Variants in SLC2A7 observed in about 807,000 individuals in gnomAD.
SLC2A7 encodes the protein solute carrier family 2, facilitated glucose transporter member 7.
Under a neutral mutation model 50.5 loss-of-function variants are expected in SLC2A7, and 50 were observed. The observed-to-expected ratio is 0.99, with a 90% CI of 0.79 to 1.25. The LOEUF (loss-of-function observed/expected upper bound fraction) is 1.25, where lower values mean the gene tolerates loss of function less well. Ranked by LOEUF, SLC2A7 falls within the 50% of genes most tolerant of loss-of-function variation. The probability of loss-of-function intolerance (pLI) is 0.00; values close to 1 mark genes in which losing one functional copy is unlikely to be tolerated. For missense variants in SLC2A7, 683 were observed against 679.1 expected, an observed-to-expected ratio of 1.01 and a Z score of -0.06; for synonymous variants, 308 against 300.4, an observed-to-expected ratio of 1.03 and a Z score of -0.26.
At chr1:8,993,541 T>G in the SLC2A7 span, among the ~76,000 whole-genome samples, 1 of 152,248 alleles carries the variant, frequency 6.6e-6, no homozygotes, top group African/African-American at 2.4e-5. Context: ...CCACTGTAGA[T>G]ATTTGAATAT....
chr1:9,004,471 C>T (rs1172811366), intron 11 of SLC2A7, among the ~76,000 whole-genome samples: 2 of 152,182 alleles, frequency 1.3e-5, no homozygotes, highest in African/African-American at 4.8e-5. Context: ...GATCTGCACC[C>T]TGGCTCTGGC....
the SLC2A7 span, among the ~76,000 whole-genome samples, chr1:8,995,722 G>A: frequency 6.6e-6 from 1 of 152,114 alleles, no homozygotes; most frequent in African/African-American, 2.4e-5. Flanking sequence ...TCCAGCATGG[G>A]CAAAAAGAGT....
chr1:9,022,523 G>C (rs1640925795), intron 3 of SLC2A7, among the ~76,000 whole-genome samples: 3 of 152,108 alleles, frequency 2.0e-5, no homozygotes, highest in Admixed American at 1.3e-4. Context: ...CTCTGGCAAA[G>C]ACACGCGGGG....
At chr1:9,006,906 A>C (rs1157661114) in intron 10 of SLC2A7, among the ~76,000 whole-genome samples, 1 of 152,226 alleles carries the variant, frequency 6.6e-6, no homozygotes, top group African/African-American at 2.4e-5. Context: ...GCTGGCAGTC[A>C]GCGGGGATAG....
At chr1:9,001,419 A>ATTT (rs767748961), downstream of SLC2A7, among the ~76,000 whole-genome samples, 4 of 124,300 alleles carry the variant, frequency 3.2e-5, no homozygotes, top group Admixed American at 8.5e-5. Context: ...TGCAGGTGCT[A>ATTT]TTTTTTTTTT....
At position 9,008,409 on chromosome 1, in the gene SLC2A7, C is replaced by T. The variant is rs1007529394; in HGVS notation, c.1117-1024G>A. Among the ~76,000 whole-genome samples the T allele has an allele frequency of 4.6e-5, 7 of 152,112 alleles. No individual in the cohort carries two copies. The highest frequency in any genetic ancestry group is 5.9e-5 in the Non-Finnish European group (4 of 68,008). On this transcript the variant is annotated intron_variant, in intron 9 of 11. Transcript: ENST00000400906. The surrounding 1 kb of genome is among the most constrained non-coding windows in gnomAD (Gnocchi z 5.9). ...TGGGTTGGTGGGGCCGCCCTGGACC[C>T]GGTGTGAAGCGAGCAGCTGCTGCTG...
In SLC2A7 at chr1:9,003,254, T is replaced by C. The variant is rs1640601018; in HGVS notation, c.*46A>G. 6.3e-7 allele frequency: 1 copy of C among 1,592,728 alleles called. No individual in the cohort carries two copies. Among genetic ancestry groups the C allele is most frequent in the Non-Finnish European group, 8.6e-7 (1 of 1,164,256 alleles). ...CCTGGGGCCGGGAGGCCCATTGTCA[T>C]AGAAGGAAGCCTTGAATATGGGCTC... On this transcript the variant is annotated 3_prime_UTR_variant, in exon 12 of 12. Transcript: ENST00000400906.
At chr1:9,025,328 G>A (rs1640980871) in intron 1 of SLC2A7, among the ~76,000 whole-genome samples, 1 of 152,224 alleles carries the variant, frequency 6.6e-6, no homozygotes, top group Admixed American at 6.5e-5. Context: ...GGCCCTGGAG[G>A]CCAAGTGTGA....
chr1:9,025,839 G>A (rs937189364), intron 1 of SLC2A7, among the ~76,000 whole-genome samples: 7 of 152,154 alleles, frequency 4.6e-5, no homozygotes, highest in Non-Finnish European at 2.9e-5. Flanking sequence ...CCTGGTGCAT[G>A]CCCCCTCCCC....
rs1315497623 is a variant in SLC2A7, at chr1:9,008,807, G to A, written c.1116+1336C>T. On this transcript the variant is annotated intron_variant, in intron 9 of 11. Coordinates refer to ENST00000400906, the MANE Select transcript of SLC2A7 (RefSeq NM_207420.3). This position sits in a 1 kb window ranked among gnomAD's most constrained non-coding sequence, Gnocchi z 5.9. The stretch of plus-strand genomic sequence containing the variant: ...AGACGGGGTTTCACCACGTGGTCAG[G>A]CTGCTCTAGAACTCCTGACCTCAGG... 2.0e-5 allele frequency among the ~76,000 whole-genome samples: 3 copies of A among 152,146 alleles called. No homozygotes were observed. Among genetic ancestry groups the A allele is most frequent in the Non-Finnish European group, 4.4e-5 (3 of 68,034 alleles).
Position 9,014,677 on chromosome 1 carries a change from A to G in SLC2A7, c.903+4T>C, listed in dbSNP as rs1215443619. 1 of 1,553,932 alleles carries G rather than the reference A, an allele frequency of 6.4e-7. No homozygotes were observed. The highest frequency in any genetic ancestry group is 2.0e-5 in the Admixed American group (1 of 51,160). ...TCTCCCTGCCTGGCCACCGTCCCAC[A>G]TACCGCATTGATGCCCGACAGCTGC... On this transcript the variant is annotated splice_donor_region_variant and intron_variant, in intron 7 of 11. Coordinates refer to ENST00000400906, the MANE Select transcript of SLC2A7 (RefSeq NM_207420.3).
intron 5 of SLC2A7, among the ~76,000 whole-genome samples, chr1:9,017,495 C>T (rs967586397): frequency 5.9e-5 from 9 of 152,198 alleles, no homozygotes; most frequent in South Asian, 2.1e-4. Context: ...ACAGGCCTCG[C>T]GGGGTCTCCC....
chr1:9,007,142 T>C (rs966599537), intron 10 of SLC2A7, among the ~76,000 whole-genome samples, 168 bp downstream of exon 10: 2 of 152,184 alleles, frequency 1.3e-5, no homozygotes, highest in Non-Finnish European at 2.9e-5. Context: ...TGAATGCACA[T>C]GGCCTGGAGT....
Position 9,023,059 on chromosome 1 carries a change from T to C in SLC2A7, c.170A>G (p.Asn57Ser), listed in dbSNP as rs1640938174. 3 of 1,613,862 alleles carry C rather than the reference T, an allele frequency of 1.9e-6. No individual in the cohort carries two copies. The highest frequency in any genetic ancestry group is 2.5e-6 in the Non-Finnish European group (3 of 1,179,788). Residue 57 changes from asparagine to serine, a missense_variant, in exon 3 of 12, where the codon AAC becomes AGC. By Grantham distance (46) the Asn-to-Ser change is conservative. Transcript: ENST00000400906. ...TGCGTGTCGCTCAAAGTAGGTTTCGTTGTAAAATGACTTGAAGACCTGGAA... is the reference window on the plus strand; with the variant it reads ...TGCGTGTCGCTCAAAGTAGGTTTCGCTGTAAAATGACTTGAAGACCTGGAA... ...TPHKVFKSFY[N>S]ETYFERHATF...
At chr1:9,002,789 C>T (rs1640594010), downstream of SLC2A7, among the ~76,000 whole-genome samples, 2 of 152,212 alleles carry the variant, frequency 1.3e-5, no homozygotes, top group African/African-American at 4.8e-5. Context: ...CCACAGGTGT[C>T]GAGGGGCTGG....
In SLC2A7 at chr1:9,008,823, T is replaced by C. The variant is rs1283193911; in HGVS notation, c.1116+1320A>G. ...CGTGGTCAGGCTGCTCTAGAACTCC[T>C]GACCTCAGGTGATCCACCCGCTTTG... On this transcript the variant is annotated intron_variant, in intron 9 of 11. Transcript: ENST00000400906. This position sits in a 1 kb window ranked among gnomAD's most constrained non-coding sequence, Gnocchi z 5.9. Among the ~76,000 whole-genome samples, 1 of 152,214 alleles carries C rather than the reference T, an allele frequency of 6.6e-6. No homozygotes were observed. The highest frequency in any genetic ancestry group is 1.5e-5 in the Non-Finnish European group (1 of 68,038).
chr1:8,994,749 G>C, the SLC2A7 span, among the ~76,000 whole-genome samples: 1 of 151,998 alleles, frequency 6.6e-6, no homozygotes, highest in Non-Finnish European at 1.5e-5. Flanking sequence ...CAGATCTCCT[G>C]ATTTTCTTTT....
intron 10 of SLC2A7, among the ~76,000 whole-genome samples, chr1:9,005,821 C>G (rs1640646458): frequency 6.6e-6 from 1 of 151,658 alleles, no homozygotes; most frequent in Admixed American, 6.6e-5. Context: ...AAGAAAAGGA[C>G]CGATCTCCCT....
At chr1:8,997,213 G>A in the SLC2A7 span, among the ~76,000 whole-genome samples, 1 of 152,002 alleles carries the variant, frequency 6.6e-6, no homozygotes, top group Non-Finnish European at 1.5e-5. Context: ...GGCTGAGACG[G>A]GAGGATCACT....
Sources: gnomAD v4.1 joint callset for allele counts (sites outside exome capture counted in the v4.1 genomes callset) on GRCh38, gnomAD v4.1.1 for gene constraint, Gnocchi (gnomAD v3.1) non-coding constraint, MANE v1.5 for transcripts, NCBI Gene and HGNC (gene_info 2026-07-23, HGNC 2026-07-21) for gene names.